The following MGAT4D variants were observed in gnomAD, a reference collection of about 807,000 sequenced individuals.
MGAT4D encodes the protein alpha-1,3-mannosyl-glycoprotein 4-beta-N-acetylglucosaminyltransferase-like protein MGAT4D.
Under a neutral mutation model 15.9 loss-of-function variants are expected in MGAT4D, and 34 were observed. That is an observed-to-expected ratio of 2.14 (90% confidence interval 1.62 to 2.84). MGAT4D has a LOEUF of 2.84. MGAT4D is among the 30% of genes most tolerant of loss of function. The pLI is 0.00. For synonymous variants in MGAT4D, 112 were observed against 48.2 expected (o/e 2.33, Z -5.49); for missense variants, 327 against 140.2 (o/e 2.33, Z -6.73).
intron 9 of MGAT4D, among the ~76,000 whole-genome samples, chr4:140,454,165 G>A (rs146351894): frequency 1.3e-5 from 2 of 152,086 alleles, no homozygotes; most frequent in East Asian, 1.9e-4. Flanking sequence ...TGGTGAGGAT[G>A]GACATGGTTA....
chr4:140,474,368 C>T (rs1271171907), intron 4 of MGAT4D, among the ~76,000 whole-genome samples: 2 of 152,154 alleles, frequency 1.3e-5, no homozygotes, highest in African/African-American at 4.8e-5. Context: ...ATCTCTCAAG[C>T]ATAAGAAAGT....
At chr4:140,450,930 T>C (rs763642458) in intron 10 of MGAT4D, among the ~76,000 whole-genome samples, 5 of 152,164 alleles carry the variant, frequency 3.3e-5, no homozygotes, top group Non-Finnish European at 7.4e-5. Context: ...AAAAATATTA[T>C]ATCTGAAAAT....
intron 5 of MGAT4D, among the ~76,000 whole-genome samples, chr4:140,468,625 C>A (rs1731707447): frequency 6.6e-6 from 1 of 152,064 alleles, no homozygotes; most frequent in African/African-American, 2.4e-5. Flanking sequence ...GAGAAGGCAT[C>A]CTTGAGTATG....
Position 140,479,506 on chromosome 4 carries a change from G to GC in MGAT4D, c.374dup (p.Lys126GlnfsTer16), listed in dbSNP as rs1485573115. 2.6e-5 allele frequency: 13 copies of GC among 502,048 alleles called. No homozygotes were observed. The highest frequency in any genetic ancestry group is 3.5e-5 in the Non-Finnish European group (10 of 284,472). The allele number at this position is 502,048 out of a possible 1,614,324, so 31.1% of individuals were successfully genotyped here. On this transcript the variant is annotated frameshift_variant, in exon 3 of 11. Coordinates refer to ENST00000511113, the MANE Select transcript of MGAT4D (RefSeq NM_001277353.2). LOFTEE classifies it high-confidence loss of function. ...TTTTCTTACCACCAGTTTTCCCTTT[G>GC]CCAATGATTACATCAGGATAAATTC...
intron 1 of MGAT4D, among the ~76,000 whole-genome samples, chr4:140,483,343 A>C (rs182511618): frequency 2.8e-4 from 43 of 152,324 alleles, no homozygotes; most frequent in Non-Finnish European, 1.5e-4. Context: ...TGCACTGAAA[A>C]CTATATAATC....
chr4:140,447,455 G>A (rs1730204825), intron 10 of MGAT4D, among the ~76,000 whole-genome samples: 1 of 152,072 alleles, frequency 6.6e-6, no homozygotes, highest in Admixed American at 6.6e-5. Context: ...TTACTATTAT[G>A]TAATCCCTTC....
chr4:140,467,758 T>C (rs1731634000), intron 5 of MGAT4D, among the ~76,000 whole-genome samples: 1 of 152,120 alleles, frequency 6.6e-6, no homozygotes, highest in South Asian at 2.1e-4. Context: ...TAAAAATGAA[T>C]GATTTTACCT....
chr4:140,452,539 A>G (rs1011929884), intron 9 of MGAT4D, among the ~76,000 whole-genome samples: 1 of 152,166 alleles, frequency 6.6e-6, no homozygotes, highest in Non-Finnish European at 1.5e-5. Flanking sequence ...AGCTTATTTC[A>G]TATTGCTGTA....
intron 2 of MGAT4D, among the ~76,000 whole-genome samples, chr4:140,480,143 A>G (rs944608729): frequency 6.6e-6 from 1 of 152,142 alleles, no homozygotes; most frequent in Non-Finnish European, 1.5e-5. Context: ...ATAAAAAAAG[A>G]TATATAAACA....
At chr4:140,453,002 A>G (rs58699745) in intron 9 of MGAT4D, among the ~76,000 whole-genome samples, 26,003 of 152,076 alleles carry the variant, frequency 0.17, 2,282 homozygotes, top group South Asian at 0.29. Context: ...CATTTGTGAT[A>G]AGATTATTCT....
rs1308150355 is a variant in MGAT4D at position 140,461,911 on chromosome 4, ACACACAC to A, written c.762+11_762+17del. On this transcript the variant is annotated intron_variant, in intron 7 of 10. Transcript: ENST00000511113. ...CACACACACACACACACACACACAC[ACACACAC>A]AATTTCTGACCTGTAAATAATACTT... The A allele has an allele frequency of 1.1e-5, 8 of 695,746 alleles. No individual in the cohort carries two copies. Among genetic ancestry groups the A allele is most frequent in the Admixed American group, 1.0e-4 (5 of 49,720 alleles). 43.1% of individuals were successfully genotyped at this position (695,746 alleles called of 1,614,324 possible).
At chr4:140,453,953 T>C (rs998631531) in intron 9 of MGAT4D, among the ~76,000 whole-genome samples, 10 of 152,148 alleles carry the variant, frequency 6.6e-5, no homozygotes, top group Non-Finnish European at 1.5e-5. Context: ...TGGAGTTTTG[T>C]GTGTATAGAC....
chr4:140,451,431 A>G lies in MGAT4D; in HGVS notation c.1095T>C (p.Pro365=), dbSNP rs1001402234. 7 of 610,478 alleles carry G rather than the reference A, an allele frequency of 1.1e-5. No individual in the cohort carries two copies. In the African/African-American group the frequency reaches 1.3e-4, roughly 11 times the overall value. The allele number at this position is 610,478 out of a possible 1,614,324, so 37.8% of individuals were successfully genotyped here. ...TTACTTTTTCATATTGTTCTTTTCT[A>G]GGGAATGATGAATGTATACCCACAT... is the stretch of plus-strand genomic sequence containing the variant. ...FQHVGIHSSF[P]RKEQYEKKI Residue 365 remains proline, a synonymous_variant, in exon 10 of 11, where the codon CCT becomes CCC. Coordinates refer to ENST00000511113, the MANE Select transcript of MGAT4D (RefSeq NM_001277353.2).
At chr4:140,446,189 A>G (rs1730110604) in intron 10 of MGAT4D, among the ~76,000 whole-genome samples, 1 of 152,084 alleles carries the variant, frequency 6.6e-6, no homozygotes, top group Non-Finnish European at 1.5e-5. Context: ...TCACAGAATG[A>G]CTTAGGGAGG....
At chr4:140,465,902 TG>T (rs1731502449) in intron 5 of MGAT4D, among the ~76,000 whole-genome samples, 1 of 152,174 alleles carries the variant, frequency 6.6e-6, no homozygotes, top group Non-Finnish European at 1.5e-5. Flanking sequence ...TGTGAACAAT[TG>T]TGTAAAGTAC....
chr4:140,493,590 T>C (rs907779351), intron 1 of MGAT4D, among the ~76,000 whole-genome samples: 33 of 152,176 alleles, frequency 2.2e-4, no homozygotes, highest in African/African-American at 7.2e-4. Context: ...CCACCGTGCC[T>C]GGCCTGTTCC....
chr4:140,458,036 G>A (rs1198318721), intron 8 of MGAT4D: 1 of 152,128 alleles, frequency 6.6e-6, no homozygotes, highest in Non-Finnish European at 1.5e-5. Flanking sequence ...ATAAAACCAA[G>A]TGTTGTCAAG....
At chr4:140,464,121 A>C (rs1352811555) in intron 6 of MGAT4D, among the ~76,000 whole-genome samples, 1 of 152,240 alleles carries the variant, frequency 6.6e-6, no homozygotes, top group East Asian at 1.9e-4. Context: ...GTGGACCACT[A>C]ATTAAAAGCA....
chr4:140,495,765 C>A (rs1433814041), intron 1 of MGAT4D, among the ~76,000 whole-genome samples: 1 of 152,228 alleles, frequency 6.6e-6, no homozygotes, highest in Non-Finnish European at 1.5e-5. Context: ...AAGATGGAGT[C>A]TTGCTCTGTC....
Sources: allele counts gnomAD v4.1 joint callset (sites outside exome capture counted in the v4.1 genomes callset), GRCh38; gene constraint gnomAD v4.1.1; transcripts MANE v1.5; gene names NCBI Gene and HGNC (gene_info 2026-07-23, HGNC 2026-07-21).